SORCS1: variants seen among roughly 807,000 people sequenced by gnomAD.
SORCS1 encodes VPS10 domain-containing receptor SorCS1.
A neutral mutation model predicts 146.1 loss-of-function variants in SORCS1; 60 were observed. The observed-to-expected ratio is 0.41, with a 90% CI of 0.33 to 0.51. SORCS1 has a LOEUF of 0.51. Among genes scored for constraint, SORCS1 ranks in the 20% least tolerant of loss-of-function variants. The pLI, the probability that SORCS1 is intolerant of heterozygous loss-of-function variation, is 0.21. For missense variants in SORCS1, 1,352 were observed against 1,487.6 expected (o/e 0.91, Z 1.50); for synonymous variants, 637 against 584.0 (o/e 1.09, Z -1.31).
At chr10:106,990,050 C>T (rs1157718784) in intron 1 of SORCS1, among the ~76,000 whole-genome samples, 1 of 152,008 alleles carries the variant, frequency 6.6e-6, no homozygotes, top group Non-Finnish European at 1.5e-5. Flanking sequence ...ATTTATTGAA[C>T]AGGTGCAAAG....
chr10:106,987,658 A>C (rs2139425340), intron 1 of SORCS1, among the ~76,000 whole-genome samples: 1 of 152,190 alleles, frequency 6.6e-6, no homozygotes, highest in South Asian at 2.1e-4. Context: ...AAACCCATTC[A>C]GTTTCTGTCT....
intron 23 of SORCS1, among the ~76,000 whole-genome samples, chr10:106,605,590 T>C (rs1306189248): frequency 6.6e-6 from 1 of 152,196 alleles, no homozygotes; most frequent in Non-Finnish European, 1.5e-5. Flanking sequence ...CTTGACAATG[T>C]TGTGATAAGA....
intron 1 of SORCS1, among the ~76,000 whole-genome samples, chr10:107,143,817 T>A (rs933271618): frequency 3.9e-5 from 6 of 152,042 alleles, no homozygotes; most frequent in African/African-American, 9.6e-5. Flanking sequence ...TTTTCCTATT[T>A]TTTTTGTAGA....
Position 106,904,337 on chromosome 10 carries a change from A to C in SORCS1, c.626+52176T>G, listed in dbSNP as rs77319281. On this transcript the variant is annotated intron_variant, in intron 2 of 25. Transcript: ENST00000263054. The stretch of plus-strand genomic sequence containing the variant: ...ATATCTTCAGCTCTAATCAAGACAC[A>C]TAAGGGCCTTCTGGGAATTTACCTT... Among the ~76,000 whole-genome samples the C allele has an allele frequency of 1.8e-3, 270 of 152,374 alleles. 2 individuals are homozygous for C. Among genetic ancestry groups the C allele is most frequent in the African/African-American group, 5.6e-3 (231 of 41,586 alleles).
rs151337702 is a variant in SORCS1, at chr10:106,648,573, TTG to T, written c.2475+3807_2475+3808del. 6.3e-3 allele frequency among the ~76,000 whole-genome samples: 961 copies of T among 152,324 alleles called. 14 individuals carry two copies. Among genetic ancestry groups the T allele is most frequent in the African/African-American group, 0.021 (881 of 41,570 alleles). On this transcript the variant is annotated intron_variant, in intron 18 of 25. Coordinates refer to ENST00000263054, the MANE Select transcript of SORCS1 (RefSeq NM_052918.5). ...CTTGCTCTTCATTCCTTCTATTATT[TTG>T]TGTGTGTGTCTCTGTCTGGGTCATT...
chr10:106,962,605 C>T (rs1955286129), intron 1 of SORCS1, among the ~76,000 whole-genome samples: 2 of 152,092 alleles, frequency 1.3e-5, no homozygotes, highest in Admixed American at 6.5e-5. Flanking sequence ...GTCTATATTT[C>T]CAAATCCTGA....
rs144226034 is a variant in SORCS1, at chr10:106,790,810, T to A, written c.727-14118A>T. 1.9e-3 allele frequency among the ~76,000 whole-genome samples: 293 copies of A among 152,340 alleles called. 6 individuals carry two copies. Among genetic ancestry groups the A allele is most frequent in the Admixed American group, 0.017 (255 of 15,310 alleles). ...ATGTCTAGCTCTTGCTAGGTATGAA[T>A]CTTTGTGTCAAAGATACAATAATTT... On this transcript the variant is annotated intron_variant, in intron 3 of 25. Coordinates refer to ENST00000263054, the MANE Select transcript of SORCS1 (RefSeq NM_052918.5).
intron 9 of SORCS1, among the ~76,000 whole-genome samples, chr10:106,691,597 G>A (rs1229444070): frequency 6.6e-6 from 1 of 152,112 alleles, no homozygotes; most frequent in Non-Finnish European, 1.5e-5. Context: ...CAACGTGATG[G>A]TCTCAGAACA....
chr10:106,827,069 C>CAGGA (rs1374820934), intron 3 of SORCS1, among the ~76,000 whole-genome samples: 3 of 152,154 alleles, frequency 2.0e-5, no homozygotes, highest in African/African-American at 7.2e-5. Context: ...GCTTCCCTTC[C>CAGGA]AGTCTTAGCA....
At chr10:106,795,875 G>A (rs1481618951) in intron 3 of SORCS1, among the ~76,000 whole-genome samples, 1 of 152,112 alleles carries the variant, frequency 6.6e-6, no homozygotes, top group Non-Finnish European at 1.5e-5. Flanking sequence ...AAGACGCTGG[G>A]AGAAAACCAA....
chr10:106,788,710 A>G (rs906121642), intron 3 of SORCS1, among the ~76,000 whole-genome samples: 2 of 152,088 alleles, frequency 1.3e-5, no homozygotes, highest in Non-Finnish European at 2.9e-5. Flanking sequence ...AGGGTACGGC[A>G]CCCCTCCCAC....
Position 106,878,620 on chromosome 10 carries a change from G to GTGTATATATATATATATATA in SORCS1, c.627-48948_627-48947insTATATATATATATATATACA, listed in dbSNP as rs904386657. On this transcript the variant is annotated intron_variant, in intron 2 of 25. Coordinates refer to ENST00000263054, the MANE Select transcript of SORCS1 (RefSeq NM_052918.5). ...AAATTTGTTTTTTATAAACTACCTA[G>GTGTATATATATATATATATA]TATATATATATATATATATATATAT... Among the ~76,000 whole-genome samples, 228 of 84,894 alleles carry GTGTATATATATATATATATA rather than the reference G, an allele frequency of 2.7e-3. 6 individuals are homozygous for GTGTATATATATATATATATA. The highest frequency in any genetic ancestry group is 9.6e-3 in the African/African-American group (208 of 21,766). The allele number at this position is 84,894 out of a possible 152,430, so 55.7% of individuals were successfully genotyped here.
At chr10:106,962,927 G>A (rs1253700124) in intron 1 of SORCS1, among the ~76,000 whole-genome samples, 6 of 151,996 alleles carry the variant, frequency 3.9e-5, no homozygotes, top group Admixed American at 1.3e-4. Context: ...TCCAAGCTCC[G>A]ATAGCTACCT....
At chr10:106,753,683 TAA>T (rs112977179) in intron 5 of SORCS1, among the ~76,000 whole-genome samples, 26 of 141,768 alleles carry the variant, frequency 1.8e-4, no homozygotes, top group East Asian at 1.4e-3. Flanking sequence ...CCAGGTATAT[TAA>T]AAAAAAAAAA....
intron 2 of SORCS1, among the ~76,000 whole-genome samples, chr10:106,872,435 T>C (rs1456440542): frequency 6.6e-6 from 1 of 152,184 alleles, no homozygotes; most frequent in African/African-American, 2.4e-5. Context: ...TAACTGTGCC[T>C]AAACCACAAT....
chr10:106,739,228 G>A (rs1857181691), intron 5 of SORCS1, among the ~76,000 whole-genome samples: 1 of 152,182 alleles, frequency 6.6e-6, no homozygotes, highest in African/African-American at 2.4e-5. Context: ...GCTCATGCCT[G>A]TAATCCTAGC....
At chr10:107,135,564 G>A (rs1158252707) in intron 1 of SORCS1, among the ~76,000 whole-genome samples, 2 of 152,204 alleles carry the variant, frequency 1.3e-5, no homozygotes, top group African/African-American at 4.8e-5. Flanking sequence ...ACCAGCACCT[G>A]CCAATCCAGA....
intron 3 of SORCS1, among the ~76,000 whole-genome samples, chr10:106,795,047 A>T (rs1157496794): frequency 6.6e-6 from 1 of 152,218 alleles, no homozygotes; most frequent in Non-Finnish European, 1.5e-5. Flanking sequence ...CACAATTCAC[A>T]GAGTGGGTGT....
chr10:107,042,540 T>C (rs913984050), intron 1 of SORCS1, among the ~76,000 whole-genome samples: 9 of 152,074 alleles, frequency 5.9e-5, no homozygotes, highest in South Asian at 2.1e-4. Context: ...TCCTTGCACA[T>C]GGACAAATAA....
Sources: gnomAD v4.1 joint callset for allele counts (sites outside exome capture counted in the v4.1 genomes callset) on GRCh38, gnomAD v4.1.1 for gene constraint, MANE v1.5 for transcripts, NCBI Gene and HGNC (gene_info 2026-07-23, HGNC 2026-07-21) for gene names.